Variants in SF1 observed in about 807,000 individuals in gnomAD.
SF1 encodes the protein splicing factor 1.
A neutral mutation model predicts 62.5 loss-of-function variants in SF1; 7 were observed. That is an observed-to-expected ratio of 0.11 (90% CI 0.06 to 0.21). SF1 has a LOEUF of 0.21. Among genes scored for constraint, SF1 ranks in the 10% least tolerant of loss-of-function variants. SF1 has a pLI of 1.00. For synonymous variants in SF1, 394 were observed against 323.6 expected (o/e 1.22, Z -2.33); for missense variants, 578 against 884.0 (o/e 0.65, Z 4.39).
At chr11:64,771,878 AC>A in intron 3 of SF1, 1 of 985,446 alleles carries the variant, frequency 1.0e-6, no homozygotes, top group Non-Finnish European at 1.2e-6. Context: ...CAAAAGCAAA[AC>A]CAATCAGGCA....
At chr11:64,772,266 G>A in intron 3 of SF1, 1 of 984,760 alleles carries the variant, frequency 1.0e-6, no homozygotes, top group South Asian at 4.7e-5. Flanking sequence ...TATTATTAAA[G>A]GGAAAAAGGC....
chr11:64,770,581 C>G, intron 3 of SF1, 173 bp from the exon 4 acceptor site: 1 of 677,754 alleles, frequency 1.5e-6, no homozygotes, highest in Non-Finnish European at 2.4e-6. Flanking sequence ...GAGATGGAAG[C>G]TGGCTTAACG....
At chr11:64,777,780 G>GGGCCCC in intron 1 of SF1, 1 of 445,452 alleles carries the variant, frequency 2.2e-6, no homozygotes, top group Non-Finnish European at 2.8e-6. Flanking sequence ...AGCGCCTCCC[G>GGGCCCC]CCCGCCCAGC....
At chr11:64,768,065 A>G in intron 9 of SF1, 41 bp downstream of exon 9, 2 of 1,579,146 alleles carry the variant, frequency 1.3e-6, no homozygotes, top group South Asian at 2.3e-5. Flanking sequence ...TGCAGTAGAG[A>G]ATGGGGAAGC....
intron 1 of SF1, chr11:64,777,836 CCG>C (rs1370746463): frequency 2.1e-6 from 2 of 959,348 alleles, no homozygotes; most frequent in East Asian, 2.3e-4. Flanking sequence ...TAGAACCAGG[CCG>C]CGCGCGCCCA....
At chr11:64,768,024 C>A in intron 9 of SF1, 82 bp downstream of exon 9, 2 of 1,509,778 alleles carry the variant, frequency 1.3e-6, no homozygotes, top group Non-Finnish European at 1.8e-6. Flanking sequence ...GTCTGCTCTA[C>A]CCAAACCACG....
chr11:64,774,758 G>T (rs750766367), intron 2 of SF1, among the ~76,000 whole-genome samples: 1 of 152,086 alleles, frequency 6.6e-6, no homozygotes, highest in Non-Finnish European at 1.5e-5. Flanking sequence ...AAGAGATCGA[G>T]ACCATCCTGG....
chr11:64,778,200 AG>A (rs1939716761), intron 1 of SF1, 161 bp downstream of exon 1: 3 of 1,071,142 alleles, frequency 2.8e-6, no homozygotes, highest in Non-Finnish European at 3.5e-6. Context: ...AGCGCCGCGA[AG>A]GGGAAGGCCG....
chr11:64,769,835 A>G, intron 5 of SF1, 129 bp downstream of exon 5: 1 of 803,516 alleles, frequency 1.2e-6, no homozygotes, highest in Non-Finnish European at 2.0e-6. Context: ...AAAGGCATTA[A>G]TTCAGCCAAA....
intron 2 of SF1, among the ~76,000 whole-genome samples, chr11:64,775,034 T>TA (rs1938958302): frequency 6.6e-6 from 1 of 151,836 alleles, no homozygotes; most frequent in Admixed American, 6.6e-5. Flanking sequence ...AGAAAAGTAG[T>TA]AAGACACATG....
intron 10 of SF1, 111 bp from the exon 11 acceptor site, chr11:64,767,362 T>A: frequency 8.4e-7 from 1 of 1,196,744 alleles, no homozygotes; most frequent in South Asian, 1.2e-5. Context: ...AAACCATGCC[T>A]GTAAAAGGCA....
rs770692604 is a variant in SF1, at chr11:64,769,354, T to A, written c.664-16A>T. On this transcript the variant is annotated splice_polypyrimidine_tract_variant and intron_variant, in intron 6 of 12. Coordinates refer to ENST00000377390, the MANE Select transcript of SF1 (RefSeq NM_004630.4). ...TGTTTCTTATCTAGTGAAAATGCAATGGACAGTTAAGTGCTTAGGGCCTCC... is the reference window on the plus strand; with the variant it reads ...TGTTTCTTATCTAGTGAAAATGCAAAGGACAGTTAAGTGCTTAGGGCCTCC... 1.9e-6 allele frequency: 3 copies of A among 1,614,042 alleles called. No homozygotes were observed. Among genetic ancestry groups the A allele is most frequent in the Non-Finnish European group, 2.5e-6 (3 of 1,179,876 alleles).
intron 3 of SF1, chr11:64,770,727 GTCT>G (rs1204295323): frequency 1.8e-5 from 4 of 217,026 alleles, no homozygotes; most frequent in Admixed American, 5.5e-5. Context: ...ATCCCCTGGA[GTCT>G]TCTTGCCAAA....
chr11:64,773,666 G>A (rs1421897249), intron 2 of SF1, among the ~76,000 whole-genome samples, 161 bp from the exon 3 acceptor site: 2 of 152,156 alleles, frequency 1.3e-5, no homozygotes, highest in East Asian at 1.9e-4. Context: ...ACCACCTATC[G>A]GCAGGAGTCC....
In SF1 at chr11:64,770,274, T is replaced by C; in HGVS notation, c.371A>G (p.Lys124Arg). The C allele has an allele frequency of 6.2e-7, 1 of 1,613,102 alleles. No homozygotes were observed. Among genetic ancestry groups the C allele is most frequent in the Non-Finnish European group, 8.5e-7 (1 of 1,179,244 alleles). Reference sequence around the variant, plus strand: ...CGCTTACTTGTAATCTGCAGGTGGCTTGAAATCCGGATTGAGTGCAACCAT... The same window carrying C: ...CGCTTACTTGTAATCTGCAGGTGGCCTGAAATCCGGATTGAGTGCAACCAT... ...TEMVALNPDF[K>R]PPADYKPPAT... Residue 124 changes from lysine to arginine, a missense_variant, in exon 4 of 13, where the codon AAG becomes AGG. By Grantham distance (26) the Lys-to-Arg change is conservative. This residue lies in a region of SF1 where 68 missense variants were observed against 170.7 expected (regional missense o/e 0.40). Coordinates refer to ENST00000377390, the MANE Select transcript of SF1 (RefSeq NM_004630.4).
chr11:64,771,799 G>A (rs1938366545), intron 3 of SF1: 6 of 985,028 alleles, frequency 6.1e-6, no homozygotes, highest in Non-Finnish European at 7.2e-6. Context: ...AGTGGCTTAA[G>A]TGATATAACA....
intron 10 of SF1, 84 bp from the exon 11 acceptor site, chr11:64,767,335 C>A: frequency 7.4e-7 from 1 of 1,360,120 alleles, no homozygotes. Flanking sequence ...CAGTTGCTAT[C>A]CTTACGCGAG....
At chr11:64,770,198 C>T (rs936779325) in intron 4 of SF1, 58 bp downstream of exon 4, 1 of 1,589,740 alleles carries the variant, frequency 6.3e-7, no homozygotes, top group South Asian at 1.1e-5. Context: ...CCCATCCCAG[C>T]AGGTCACCCA....
Position 64,765,833 on chromosome 11 carries a change from A to G in SF1, c.1905T>C (p.Pro635=). 2 of 1,551,162 alleles carry G rather than the reference A, an allele frequency of 1.3e-6. No individual in the cohort carries two copies. The highest frequency in any genetic ancestry group is 1.7e-6 in the Non-Finnish European group (2 of 1,148,180). Reference sequence around the variant, plus strand: ...AAAAACAAGTCTAGTTCTGTGGTGGAGGCGGTGGGGGAGCTGGAGGCATCC... The same window carrying G: ...AAAAACAAGTCTAGTTCTGTGGTGGGGGCGGTGGGGGAGCTGGAGGCATCC... ...PFGMPPAPPP[P]PPQN Residue 635 remains proline, a synonymous_variant, in exon 13 of 13, where the codon CCT becomes CCC. Coordinates refer to ENST00000377390, the MANE Select transcript of SF1 (RefSeq NM_004630.4).
Sources: gnomAD v4.1 joint callset for allele counts (sites outside exome capture counted in the v4.1 genomes callset) on GRCh38, gnomAD v4.1.1 for gene constraint, gnomAD v4.1.1 regional missense constraint, MANE v1.5 for transcripts, NCBI Gene and HGNC (gene_info 2026-07-23, HGNC 2026-07-21) for gene names.